Variants in LOXL2 observed in about 807,000 individuals in gnomAD.
LOXL2 encodes the protein lysyl oxidase homolog 2.
A neutral mutation model predicts 93.0 loss-of-function variants in LOXL2; 70 were observed. The ratio of observed to expected loss-of-function variants is 0.75; its 90% CI spans 0.62 to 0.92. LOXL2 has a LOEUF of 0.92. Among genes scored for constraint, LOXL2 ranks in the 40% least tolerant of loss-of-function variants. The pLI, the probability that LOXL2 is intolerant of heterozygous loss-of-function variation, is 0.00. For synonymous variants in LOXL2, 438 were observed against 413.2 expected, an observed-to-expected ratio of 1.06 and a Z score of -0.73; for missense variants, 973 against 1,054.9, an observed-to-expected ratio of 0.92 and a Z score of 1.08.
chr8:23,341,117 C>T lies in LOXL2; in HGVS notation c.618G>A (p.Val206=). 1 of 1,614,018 alleles carries T rather than the reference C, an allele frequency of 6.2e-7. No homozygotes were observed. Among genetic ancestry groups the T allele is most frequent in the South Asian group, 1.1e-5 (1 of 91,078 alleles). The change falls in exon 4 of 14, where the codon GTG becomes GTA. Residue 206 remains valine, a synonymous_variant. Transcript: ENST00000389131. ...RKRTPVMEGY[V]EVKEGKTWKQ... is the part of the protein sequence containing the mutation. ...TCCAGGTCTTGCCCTCCTTCACCTCCACGTAGCCCTCCATCACTGGGGTGC... is the reference window on the plus strand; with the variant it reads ...TCCAGGTCTTGCCCTCCTTCACCTCTACGTAGCCCTCCATCACTGGGGTGC...
chr8:23,344,292 C>T (rs1182305590), intron 3 of LOXL2, among the ~76,000 whole-genome samples: 1 of 152,132 alleles, frequency 6.6e-6, no homozygotes, highest in African/African-American at 2.4e-5. Flanking sequence ...GGGCTAGCAC[C>T]GGGGGTCATT....
chr8:23,386,083 T>C (rs1322628311), intron 1 of LOXL2: 1 of 764,622 alleles, frequency 1.3e-6, no homozygotes, highest in South Asian at 1.3e-5. Flanking sequence ...CTACATGATT[T>C]TCCTATAGTC....
At chr8:23,346,573 T>C (rs934237547) in intron 3 of LOXL2, among the ~76,000 whole-genome samples, 1 of 152,256 alleles carries the variant, frequency 6.6e-6, no homozygotes, top group Admixed American at 6.5e-5. Flanking sequence ...CATCTGTCCA[T>C]GACTTGCAAA....
chr8:23,311,198 G>A (rs570941702), intron 9 of LOXL2, among the ~76,000 whole-genome samples: 11 of 152,248 alleles, frequency 7.2e-5, no homozygotes, highest in South Asian at 2.1e-4. Context: ...AGAGTCCAGC[G>A]GGTTCTCAGT....
At chr8:23,385,674 A>G in intron 1 of LOXL2, 1 of 492,132 alleles carries the variant, frequency 2.0e-6, no homozygotes, top group East Asian at 3.6e-5. Context: ...CAGGTATTTC[A>G]TCCTCTCGTC....
At position 23,383,240 on chromosome 8, in the gene LOXL2, G is replaced by A. The variant is rs117437261; in HGVS notation, c.-83-14806C>T. Among the ~76,000 whole-genome samples the A allele has an allele frequency of 8.9e-4, 135 of 152,154 alleles. 3 individuals carry two copies. The East Asian group carries it at 0.021, about 23-fold the overall frequency. On this transcript the variant is annotated intron_variant, in intron 1 of 13. Transcript: ENST00000389131. ...GTTGGGTGTCTTGGAATCAGAACAC[G>A]CTGTCTGAATCCTGCCTGCCCCACT...
chr8:23,307,654 A>G (rs1450585823), intron 10 of LOXL2, among the ~76,000 whole-genome samples: 1 of 152,160 alleles, frequency 6.6e-6, no homozygotes, highest in East Asian at 1.9e-4. Context: ...TCTTCTGCTT[A>G]TAGACCCATA....
chr8:23,359,360 C>T (rs1804250180), intron 3 of LOXL2, among the ~76,000 whole-genome samples: 1 of 152,146 alleles, frequency 6.6e-6, no homozygotes, highest in Non-Finnish European at 1.5e-5. Context: ...ACATGACTTC[C>T]ATCCTGTGTT....
intron 8 of LOXL2, 107 bp from the exon 9 acceptor site, chr8:23,317,221 A>AT: frequency 7.7e-7 from 1 of 1,290,588 alleles, no homozygotes; most frequent in East Asian, 2.3e-5. Context: ...TCATGATCCC[A>AT]TTTTTCAGAT....
intron 10 of LOXL2, among the ~76,000 whole-genome samples, chr8:23,308,175 G>A (rs1803259968): frequency 6.6e-6 from 1 of 152,196 alleles, no homozygotes; most frequent in South Asian, 2.1e-4. Flanking sequence ...GCCAGGACAT[G>A]TTAGTTCTGC....
intron 3 of LOXL2, among the ~76,000 whole-genome samples, chr8:23,354,197 T>C (rs1158193365): frequency 6.6e-6 from 1 of 152,122 alleles, no homozygotes; most frequent in Non-Finnish European, 1.5e-5. Flanking sequence ...GGAGGAAGCA[T>C]GGGTTGTGAG....
At chr8:23,354,960 T>A (rs1448545147) in intron 3 of LOXL2, among the ~76,000 whole-genome samples, 23,768 of 96,694 alleles carry the variant, frequency 0.25, 4,004 homozygotes, top group African/African-American at 0.42. Flanking sequence ...TTTTTTTTTT[T>A]TTTTTTTTTT....
chr8:23,321,006 G>GTC (rs1803487480), intron 7 of LOXL2, among the ~76,000 whole-genome samples: 1 of 152,184 alleles, frequency 6.6e-6, no homozygotes, highest in Non-Finnish European at 1.5e-5. Context: ...AGAAACAGAG[G>GTC]AGCAATTCTT....
intron 5 of LOXL2, among the ~76,000 whole-genome samples, chr8:23,330,813 G>A (rs907169187): frequency 1.0e-4 from 15 of 147,706 alleles, no homozygotes. Context: ...GTGGGGGTTT[G>A]GGGGGTGGTG....
At position 23,332,486 on chromosome 8, in the gene LOXL2, AC is replaced by A. The variant is rs1186472588; in HGVS notation, c.966+914del. ...ACACATACCCCCCACACACTCCCAT[AC>A]CCCCCCACTCATACACACACATACA... On this transcript the variant is annotated intron_variant, in intron 5 of 13. Transcript: ENST00000389131. 6.1e-3 allele frequency among the ~76,000 whole-genome samples: 186 copies of A among 30,284 alleles called. 8 individuals carry two copies. In the East Asian group the frequency reaches 0.11, roughly 17 times the overall value. The allele number at this position is 30,284 out of a possible 152,430, so 19.9% of individuals were successfully genotyped here. A position where few individuals can be genotyped will look rare whatever the true frequency, so the allele number is the denominator to read the frequency against.
intron 9 of LOXL2, among the ~76,000 whole-genome samples, chr8:23,313,811 C>T (rs1803351748): frequency 6.6e-6 from 1 of 151,442 alleles, no homozygotes; most frequent in Admixed American, 6.6e-5. Context: ...TCTAATTAAA[C>T]TAAAGAGCTC....
chr8:23,297,282 G>A lies in LOXL2; in HGVS notation c.*761C>T, dbSNP rs1381771498. 6.6e-6 allele frequency: 1 copy of A among 152,234 alleles called. No individual in the cohort carries two copies. The highest frequency in any genetic ancestry group is 2.4e-5 in the African/African-American group (1 of 41,440). 9.4% of individuals were successfully genotyped at this position (152,234 alleles called of 1,614,324 possible). A position where few individuals can be genotyped will look rare whatever the true frequency, so the allele number is the denominator to read the frequency against. On this transcript the variant is annotated 3_prime_UTR_variant, in exon 14 of 14. Transcript: ENST00000389131. Reference sequence around the variant, plus strand: ...CCTGTCACCCAGGACCCTGGTTATAGCACCGTTGAATCAAAAACCCACAGA... The same window carrying A: ...CCTGTCACCCAGGACCCTGGTTATAACACCGTTGAATCAAAAACCCACAGA...
intron 1 of LOXL2, among the ~76,000 whole-genome samples, chr8:23,394,490 A>T (rs546392972): frequency 6.6e-6 from 1 of 152,258 alleles, no homozygotes; most frequent in Admixed American, 6.5e-5. Context: ...AATGGCTTAC[A>T]AGCACATAAA....
At chr8:23,303,478 C>A in intron 10 of LOXL2, 81 bp from the exon 11 acceptor site, 1 of 815,226 alleles carries the variant, frequency 1.2e-6, no homozygotes. Flanking sequence ...TGGCGATTTG[C>A]CTCTGGGAAT....
Sources: allele counts gnomAD v4.1 joint callset (sites outside exome capture counted in the v4.1 genomes callset), GRCh38; gene constraint gnomAD v4.1.1; transcripts MANE v1.5; gene names NCBI Gene and HGNC (gene_info 2026-07-23, HGNC 2026-07-21).